CAMK2D: variants seen among roughly 807,000 people sequenced by gnomAD.
CAMK2D encodes calcium/calmodulin dependent protein kinase II delta.
CAMK2D carries 37 observed loss-of-function variants against 84.0 expected under a neutral mutation model. That is an observed-to-expected ratio of 0.44 (90% CI 0.34 to 0.58). CAMK2D has a LOEUF of 0.58. CAMK2D is among the 20% of genes least tolerant of loss of function. The pLI is 0.02. For synonymous variants in CAMK2D, 202 were observed against 212.5 expected (o/e 0.95, Z 0.43); for missense variants, 448 against 652.5 (o/e 0.69, Z 3.41).
chr4:113,514,648 C>A (rs2098262320), intron 10 of CAMK2D, among the ~76,000 whole-genome samples: 1 of 152,116 alleles, frequency 6.6e-6, no homozygotes, highest in Admixed American at 6.5e-5. Flanking sequence ...ACTACTATGA[C>A]CATTATTTTA....
At chr4:113,575,504 T>C (rs2098776456) in intron 4 of CAMK2D, among the ~76,000 whole-genome samples, 1 of 152,352 alleles carries the variant, frequency 6.6e-6, no homozygotes, top group East Asian at 1.9e-4. Context: ...ATTATGATTA[T>C]ACAATTCTGT....
chr4:113,513,809 T>C (rs112223511), intron 11 of CAMK2D, 21 bp downstream of exon 11: 5 of 1,221,380 alleles, frequency 4.1e-6, no homozygotes. Context: ...TACCTCCCCA[T>C]AAAAATGTAA....
chr4:113,761,075 T>C lies in CAMK2D; in HGVS notation c.-7A>G, dbSNP rs1210892906. 1.2e-6 allele frequency: 2 copies of C among 1,614,060 alleles called. No homozygotes were observed. The highest frequency in any genetic ancestry group is 1.7e-6 in the Non-Finnish European group (2 of 1,180,004). Reference sequence around the variant, plus strand: ...AGGTTGTGGTCGAAGCCATCCTCGGTCCGGGCTGTGCCCTGGCTGGGAGCG... The same window carrying C: ...AGGTTGTGGTCGAAGCCATCCTCGGCCCGGGCTGTGCCCTGGCTGGGAGCG... On this transcript the variant is annotated 5_prime_UTR_variant, in exon 1 of 21. Coordinates refer to ENST00000511664, the MANE Select transcript of CAMK2D (RefSeq NM_001321571.2).
intron 2 of CAMK2D, among the ~76,000 whole-genome samples, chr4:113,664,285 A>G (rs58416993): frequency 0.022 from 3,301 of 152,250 alleles, 124 homozygotes; most frequent in African/African-American, 0.073. Flanking sequence ...TATGTGTCCA[A>G]CACCTCAAAC....
rs781068665 is a variant in CAMK2D at position 113,711,195 on chromosome 4, TTA to T, written c.160+48123_160+48124del. ...ATAAATATACTATATACATCATCTA[TTA>T]TGTTTCATTATATTATCTATCTTAT... On this transcript the variant is annotated intron_variant, in intron 2 of 20. Transcript: ENST00000511664. Among the ~76,000 whole-genome samples, 198 of 150,270 alleles carry T rather than the reference TTA, an allele frequency of 1.3e-3. 2 individuals are homozygous for T. The highest frequency in any genetic ancestry group is 3.5e-3 in the Middle Eastern group (1 of 284).
intron 3 of CAMK2D, among the ~76,000 whole-genome samples, chr4:113,645,927 G>C (rs1404610850): frequency 2.0e-5 from 3 of 152,184 alleles, no homozygotes; most frequent in Admixed American, 1.3e-4. Context: ...TCTGGGCCAA[G>C]ATTCCAGCCA....
At chr4:113,499,473 C>T (rs1052929682) in intron 16 of CAMK2D, among the ~76,000 whole-genome samples, 4 of 152,106 alleles carry the variant, frequency 2.6e-5, no homozygotes, top group African/African-American at 9.7e-5. Context: ...AAATTGACCC[C>T]ACGTCTCCTT....
intron 6 of CAMK2D, among the ~76,000 whole-genome samples, chr4:113,542,628 T>C (rs766631815): frequency 4.0e-5 from 6 of 150,822 alleles, no homozygotes; most frequent in Non-Finnish European, 5.9e-5. Flanking sequence ...GGCAGGAGAA[T>C]GGCATGAACC....
chr4:113,572,508 G>A (rs185110985), intron 4 of CAMK2D, among the ~76,000 whole-genome samples: 1 of 150,526 alleles, frequency 6.6e-6, no homozygotes, highest in African/African-American at 2.4e-5. Flanking sequence ...AGACATACAT[G>A]CAGCCAACAA....
intron 2 of CAMK2D, among the ~76,000 whole-genome samples, chr4:113,708,243 C>T (rs1228350172): frequency 6.6e-6 from 1 of 152,178 alleles, no homozygotes; most frequent in Non-Finnish European, 1.5e-5. Flanking sequence ...TACTAGTCAT[C>T]ATGGCTCACT....
intron 8 of CAMK2D, among the ~76,000 whole-genome samples, chr4:113,528,673 T>C (rs2098438148): frequency 6.6e-6 from 1 of 152,160 alleles, no homozygotes; most frequent in South Asian, 2.1e-4. Flanking sequence ...ACCCCCTATC[T>C]TTACAAAAAT....
intron 4 of CAMK2D, among the ~76,000 whole-genome samples, chr4:113,594,612 A>G (rs886338110): frequency 6.6e-6 from 1 of 152,240 alleles, no homozygotes; most frequent in Non-Finnish European, 1.5e-5. Context: ...TTGACCATCA[A>G]AAGCACTATA....
In CAMK2D at chr4:113,502,952, T is replaced by C. The variant is rs1184472338; in HGVS notation, c.1070A>G (p.Asn357Ser). ...TCTGAATACCTTGTTTCCATCAGGG[T>C]TGTGGATTACAGTAGTTTGGGGCTC... ...ALEPQTTVIH[N>S]PDGNKESTES... The change falls in exon 15 of 21, where the codon AAC becomes AGC. Residue 357 changes from asparagine to serine, a missense_variant. Physicochemically the swap from Asn to Ser is conservative, Grantham distance 46 (BLOSUM62 1). Around this residue, in one of 7 missense-constraint regions of CAMK2D, gnomAD observed 219 missense variants for 272.1 expected, o/e 0.80. Transcript: ENST00000511664. 6.2e-7 allele frequency: 1 copy of C among 1,608,228 alleles called. No homozygotes were observed. Among genetic ancestry groups the C allele is most frequent in the Non-Finnish European group, 8.5e-7 (1 of 1,174,772 alleles).
intron 2 of CAMK2D, among the ~76,000 whole-genome samples, chr4:113,695,680 C>A (rs970489480): frequency 6.6e-6 from 1 of 152,072 alleles, no homozygotes; most frequent in Non-Finnish European, 1.5e-5. Context: ...CCACCTGGGT[C>A]CAAGCCAGCA....
rs111553089 is a variant in CAMK2D at position 113,645,669 on chromosome 4, G to GT, written c.220+16043dup. Among the ~76,000 whole-genome samples, 1,022 of 151,908 alleles carry GT rather than the reference G, an allele frequency of 6.7e-3. 10 individuals carry two copies. Among genetic ancestry groups the GT allele is most frequent in the African/African-American group, 0.023 (963 of 41,386 alleles). ...AAATAAAGGGCTACCCTAGAATAAG[G>GT]TTTATCCAACCTTATCTGAAAGGCT... On this transcript the variant is annotated intron_variant, in intron 3 of 20. Coordinates refer to ENST00000511664, the MANE Select transcript of CAMK2D (RefSeq NM_001321571.2).
intron 14 of CAMK2D, 66 bp from the exon 15 acceptor site, chr4:113,503,043 G>C (rs1172564277): frequency 8.8e-7 from 1 of 1,137,832 alleles, no homozygotes; most frequent in East Asian, 2.3e-5. Context: ...CTAGTGTGAA[G>C]GACAGAGCAG....
At chr4:113,546,766 AG>A (rs2098578077) in intron 6 of CAMK2D, among the ~76,000 whole-genome samples, 2 of 152,220 alleles carry the variant, frequency 1.3e-5, no homozygotes, top group Admixed American at 6.5e-5. Context: ...CTCATCCAGT[AG>A]TTTTTCTTTT....
chr4:113,729,474 G>C (rs2099556264), intron 2 of CAMK2D, among the ~76,000 whole-genome samples: 1 of 152,044 alleles, frequency 6.6e-6, no homozygotes, highest in Non-Finnish European at 1.5e-5. Flanking sequence ...CTAATTTCCT[G>C]ACCTTTGCAC....
intron 4 of CAMK2D, among the ~76,000 whole-genome samples, chr4:113,590,981 C>T (rs17531701): frequency 0.1 from 15,697 of 152,122 alleles, 1,053 homozygotes; most frequent in Admixed American, 0.2. Context: ...CATTAAACAA[C>T]TAATAAGTCA....
Sources: gnomAD v4.1 joint callset for allele counts (sites outside exome capture counted in the v4.1 genomes callset) on GRCh38, gnomAD v4.1.1 for gene constraint, gnomAD v4.1.1 regional missense constraint, MANE v1.5 for transcripts, NCBI Gene and HGNC (gene_info 2026-07-23, HGNC 2026-07-21) for gene names.